Variants in LHPP observed in about 807,000 individuals in gnomAD.
The protein encoded by LHPP is hLHPP.
In LHPP, 24 loss-of-function variants were observed where a neutral mutation model predicts 30.3. The observed-to-expected ratio is 0.79, with a 90% CI of 0.57 to 1.11. The LOEUF is 1.11. Ranked by LOEUF, LHPP falls within the 50% of genes most tolerant of loss-of-function variation. The probability of loss-of-function intolerance (pLI) is 0.00; values close to 1 mark genes in which losing one functional copy is unlikely to be tolerated. For missense variants in LHPP, 356 were observed against 367.2 expected (o/e 0.97, Z 0.25); for synonymous variants, 150 against 157.1 (o/e 0.95, Z 0.34).
chr10:124,480,261 A>G (rs1161880084), intron 1 of LHPP, among the ~76,000 whole-genome samples: 2 of 152,136 alleles, frequency 1.3e-5, no homozygotes, highest in Admixed American at 6.5e-5. Context: ...GAGCGGACTT[A>G]CCCCAGCATT....
rs34255761 is a variant in LHPP at position 124,503,291 on chromosome 10, C to T, written c.624+5163C>T. 1.4e-3 allele frequency among the ~76,000 whole-genome samples: 216 copies of T among 151,924 alleles called. 1 individual carries two copies. Among genetic ancestry groups the T allele is most frequent in the Admixed American group, 2.4e-3 (37 of 15,278 alleles). Reference sequence around the variant, plus strand: ...ATGTTGGTCAGGCTGGTCTCAAACTCTCAATCTCAGGTGATCCGCCCGCCT... The same window carrying T: ...ATGTTGGTCAGGCTGGTCTCAAACTTTCAATCTCAGGTGATCCGCCCGCCT... On this transcript the variant is annotated intron_variant, in intron 5 of 6. Coordinates refer to ENST00000368842, the MANE Select transcript of LHPP (RefSeq NM_022126.4).
Position 124,539,731 on chromosome 10 carries a change from G to A in LHPP, c.716+22460G>A, listed in dbSNP as rs1955133982. 1.7e-4 allele frequency among the ~76,000 whole-genome samples: 11 copies of A among 63,402 alleles called. No individual in the cohort carries two copies. The South Asian group carries it at 6.7e-3, about 38-fold the overall frequency. The allele number at this position is 63,402 out of a possible 152,430, so 41.6% of individuals were successfully genotyped here. On this transcript the variant is annotated intron_variant, in intron 6 of 6. Coordinates refer to ENST00000368842, the MANE Select transcript of LHPP (RefSeq NM_022126.4). ...AGCCTGGGCGACAGAGCAAAACCCT[G>A]TCTCAAAAAAAAAAAAAAAAATTAG...
Position 124,541,343 on chromosome 10 carries a change from G to A in LHPP, c.716+24072G>A, listed in dbSNP as rs10901756. Among the ~76,000 whole-genome samples, 8,825 of 152,286 alleles carry A rather than the reference G, an allele frequency of 0.058. 374 individuals are homozygous for A. Among genetic ancestry groups the A allele is most frequent in the East Asian group, 0.19 (1,003 of 5,184 alleles). ...ACTTTATCGAGGGCTGCTTTGTGGC[G>A]GGCGTTCATTGTGGAAAGAGCCCAG... On this transcript the variant is annotated intron_variant, in intron 6 of 6. Transcript: ENST00000368842. The surrounding 1 kb of genome is among the most constrained non-coding windows in gnomAD (Gnocchi z 4.2).
intron 6 of LHPP, chr10:124,553,788 C>A (rs1045511287): frequency 7.9e-5 from 50 of 629,896 alleles, no homozygotes; most frequent in Middle Eastern, 7.9e-4. Context: ...TGTATGACTC[C>A]CGGTGATATT....
At chr10:124,566,448 A>C (rs1245165702) in intron 6 of LHPP, among the ~76,000 whole-genome samples, 2 of 152,190 alleles carry the variant, frequency 1.3e-5, no homozygotes, top group Non-Finnish European at 2.9e-5. Context: ...GGCCTCAAGC[A>C]ACTTGTGGGT....
At position 124,613,442 on chromosome 10, in the gene LHPP, CCCG is replaced by C. The variant is rs1949230606; in HGVS notation, c.*85_*87del. ...CCCCTCCACCCCTGCCTCTCCTCCA[CCCG>C]CCCAGGAGAGCCCCACCTCCTCCAC... is the stretch of plus-strand genomic sequence containing the variant. On this transcript the variant is annotated 3_prime_UTR_variant, in exon 7 of 7. Coordinates refer to ENST00000368842, the MANE Select transcript of LHPP (RefSeq NM_022126.4). The C allele has an allele frequency of 1.0e-6, 1 of 957,314 alleles. No homozygotes were observed. The highest frequency in any genetic ancestry group is 1.6e-6 in the Non-Finnish European group (1 of 620,466). 59.3% of individuals were successfully genotyped at this position (957,314 alleles called of 1,614,324 possible).
At chr10:124,466,265 C>A (rs118177680) in intron 1 of LHPP, among the ~76,000 whole-genome samples, 2 of 152,134 alleles carry the variant, frequency 1.3e-5, no homozygotes, top group Non-Finnish European at 2.9e-5. Context: ...ATGCACGGTG[C>A]GCTGTTTCTG....
intron 6 of LHPP, among the ~76,000 whole-genome samples, chr10:124,550,204 C>T (rs1023797279): frequency 6.6e-6 from 1 of 152,250 alleles, no homozygotes; most frequent in African/African-American, 2.4e-5. Flanking sequence ...TGGTAAGCTG[C>T]CGGCACAGTC....
intron 5 of LHPP, among the ~76,000 whole-genome samples, chr10:124,507,085 G>A (rs1239314842): frequency 3.3e-4 from 3 of 9,212 alleles, no homozygotes; most frequent in Admixed American, 7.3e-4. Flanking sequence ...ATTTCAGGTG[G>A]GGGGGTAGGG....
In LHPP at chr10:124,484,253, G is replaced by C. The variant is rs2133848274; in HGVS notation, c.240G>C (p.Val80=). 1 of 1,614,044 alleles carries C rather than the reference G, an allele frequency of 6.2e-7. No homozygotes were observed. The highest frequency in any genetic ancestry group is 8.5e-7 in the Non-Finnish European group (1 of 1,180,016). Residue 80 remains valine, a synonymous_variant, in exon 2 of 7, where the codon GTG becomes GTC. Transcript: ENST00000368842. ...GATTTGACATCTCTGAGCAGGAGGTGACCGCCCCGGCACCAGCTGCCTGCC... is the reference window on the plus strand; with the variant it reads ...GATTTGACATCTCTGAGCAGGAGGTCACCGCCCCGGCACCAGCTGCCTGCC... ...RLGFDISEQE[V]TAPAPAACQI... is the part of the protein sequence containing the mutation.
intron 1 of LHPP, among the ~76,000 whole-genome samples, chr10:124,475,600 C>G (rs191975794): frequency 2.2e-4 from 33 of 152,206 alleles, no homozygotes; most frequent in African/African-American, 7.5e-4. Context: ...TGTCCAGTAG[C>G]TACTGTTGGT....
rs571333589 is a variant in LHPP, at chr10:124,532,336, G to A, written c.716+15065G>A. ...CATTGCTGCTCAGGCCCTGGCGGTGGACAGAGGTAGGAAAGATGCGCATGG... is the reference window on the plus strand; with the variant it reads ...CATTGCTGCTCAGGCCCTGGCGGTGAACAGAGGTAGGAAAGATGCGCATGG... On this transcript the variant is annotated intron_variant, in intron 6 of 6. Transcript: ENST00000368842. 2.6e-5 allele frequency among the ~76,000 whole-genome samples: 4 copies of A among 152,362 alleles called. No individual in the cohort carries two copies. The East Asian group carries it at 7.7e-4, about 29-fold the overall frequency.
intron 6 of LHPP, among the ~76,000 whole-genome samples, chr10:124,542,922 C>T (rs1417115426): frequency 6.6e-6 from 1 of 152,196 alleles, no homozygotes; most frequent in Non-Finnish European, 1.5e-5. Flanking sequence ...GGTCGTTCTC[C>T]CCGGTCCCTG....
chr10:124,519,011 G>T (rs879426428), intron 6 of LHPP, among the ~76,000 whole-genome samples: 2 of 152,170 alleles, frequency 1.3e-5, no homozygotes, highest in South Asian at 2.1e-4. Flanking sequence ...AGGTGCGATC[G>T]ATCTCAGCTC....
At chr10:124,553,381 G>A (rs939307074) in intron 6 of LHPP, among the ~76,000 whole-genome samples, 1 of 151,416 alleles carries the variant, frequency 6.6e-6, no homozygotes, top group Non-Finnish European at 1.5e-5. Flanking sequence ...ATGCACCTGA[G>A]CTCGGACTGC....
At chr10:124,612,130 A>G (rs1305274878) in intron 6 of LHPP, among the ~76,000 whole-genome samples, 6 of 152,138 alleles carry the variant, frequency 3.9e-5, no homozygotes, top group Admixed American at 2.0e-4. Flanking sequence ...GGGGCCGGGC[A>G]CGGTGGCTCA....
At chr10:124,484,507 C>A (rs1307669295) in intron 2 of LHPP, among the ~76,000 whole-genome samples, 181 bp downstream of exon 2, 1 of 151,906 alleles carries the variant, frequency 6.6e-6, no homozygotes, top group Non-Finnish European at 1.5e-5. Context: ...CAGGTTAGGA[C>A]CCAGCTCTGT....
At chr10:124,518,599 G>A (rs911044391) in intron 6 of LHPP, among the ~76,000 whole-genome samples, 3 of 152,234 alleles carry the variant, frequency 2.0e-5, no homozygotes, top group African/African-American at 4.8e-5. Context: ...GGAGCACAGC[G>A]GTGTGGCTCG....
intron 2 of LHPP, among the ~76,000 whole-genome samples, chr10:124,485,096 G>A (rs561747277): frequency 6.6e-6 from 1 of 152,192 alleles, no homozygotes; most frequent in Admixed American, 6.5e-5. Context: ...GCAAGGTGGG[G>A]GCTCTCAAGA....
Sources: gnomAD v4.1 joint callset for allele counts (sites outside exome capture counted in the v4.1 genomes callset) on GRCh38, gnomAD v4.1.1 for gene constraint, Gnocchi (gnomAD v3.1) non-coding constraint, MANE v1.5 for transcripts, NCBI Gene and HGNC (gene_info 2026-07-23, HGNC 2026-07-21) for gene names.